Variants in MAFF observed in about 807,000 individuals in gnomAD.
MAFF encodes the protein transcription factor MafF.
Under a neutral mutation model 2.7 loss-of-function variants are expected in MAFF, and 4 were observed. That is an observed-to-expected ratio of 1.48 (90% CI 0.73 to 3.39). MAFF has a LOEUF of 3.39. Among genes scored for constraint, MAFF ranks in the 30% most tolerant of loss-of-function variants. The probability of loss-of-function intolerance (pLI) is 0.01; values close to 1 mark genes in which losing one functional copy is unlikely to be tolerated. For missense variants in MAFF, 190 were observed against 246.6 expected (o/e 0.77, Z 1.54); for synonymous variants, 113 against 119.4 (o/e 0.95, Z 0.35).
Position 38,215,148 on chromosome 22 carries a change from G to A in MAFF, c.*270G>A, listed in dbSNP as rs577083647. The A allele has an allele frequency of 7.2e-6, 3 of 417,366 alleles. No individual in the cohort carries two copies. Among genetic ancestry groups the A allele is most frequent in the South Asian group, 3.7e-5 (1 of 27,130 alleles). The allele number at this position is 417,366 out of a possible 1,614,324, so 25.9% of individuals were successfully genotyped here. ...GCTGAAAGTTTAGCCTTTTTAGATT[G>A]AGAGATACAGAGCCGGCTTAGAGAA... On this transcript the variant is annotated 3_prime_UTR_variant, in exon 3 of 3. Coordinates refer to ENST00000338483, the MANE Select transcript of MAFF (RefSeq NM_012323.4).
At chr22:38,212,939 A>G (rs547155730) in intron 1 of MAFF, among the ~76,000 whole-genome samples, 316 of 152,282 alleles carry the variant, frequency 2.1e-3, no homozygotes, top group African/African-American at 7.2e-3. Context: ...AGGCGGGTGG[A>G]TCACCTGAGG....
At chr22:38,208,402 C>G (rs113413015) in intron 1 of MAFF, among the ~76,000 whole-genome samples, 1,559 of 152,280 alleles carry the variant, frequency 0.01, 34 homozygotes, top group African/African-American at 0.035. Flanking sequence ...CACCTTTGGG[C>G]CCAAAGTCAC....
chr22:38,213,981 C>A, intron 2 of MAFF, 92 bp downstream of exon 2: 1 of 1,414,488 alleles, frequency 7.1e-7, no homozygotes, highest in Non-Finnish European at 9.9e-7. Context: ...TTCCTGGAAT[C>A]CCCTGGGTGG....
Position 38,214,778 on chromosome 22 carries a change from C to G in MAFF, c.395C>G (p.Ala132Gly). ...AAARGPATLVAPASVITIVKS... is the reference protein window; with the variant it reads ...AAARGPATLVGPASVITIVKS... Reference sequence around the variant, plus strand: ...GCCCGCGGGCCCGCCACGCTCGTGGCGCCGGCCAGCGTCATCACCATCGTC... The same window carrying G: ...GCCCGCGGGCCCGCCACGCTCGTGGGGCCGGCCAGCGTCATCACCATCGTC... The change falls in exon 3 of 3, where the codon GCG (alanine) becomes GGG (glycine). Residue 132 changes from alanine to glycine, a missense_variant. By Grantham distance (60) the Ala-to-Gly change is moderately conservative. Coordinates refer to ENST00000338483, the MANE Select transcript of MAFF (RefSeq NM_012323.4). This position sits in a 1 kb window ranked among gnomAD's most constrained non-coding sequence, Gnocchi z 6.3. 1.4e-6 allele frequency: 2 copies of G among 1,450,388 alleles called. No homozygotes were observed. Among genetic ancestry groups the G allele is most frequent in the Non-Finnish European group, 1.8e-6 (2 of 1,107,502 alleles). 89.8% of individuals were successfully genotyped at this position (1,450,388 alleles called of 1,614,324 possible). A position where few individuals can be genotyped will look rare whatever the true frequency, so the allele number is the denominator to read the frequency against.
chr22:38,203,288 G>A (rs1009576683), intron 1 of MAFF: 1 of 152,712 alleles, frequency 6.5e-6, no homozygotes, highest in South Asian at 2.1e-4. Context: ...GGCTGTACCT[G>A]CTAGGTCGTG....
Position 38,214,873 on chromosome 22 carries a change from T to C in MAFF, c.490T>C (p.Ser164Pro), listed in dbSNP as rs1602338571. 6.6e-7 allele frequency: 1 copy of C among 1,508,036 alleles called. No individual in the cohort carries two copies. Among genetic ancestry groups the C allele is most frequent in the Admixed American group, 2.1e-5 (1 of 47,284 alleles). The allele number at this position is 1,508,036 out of a possible 1,614,324, so 93.4% of individuals were successfully genotyped here. A position where few individuals can be genotyped will look rare whatever the true frequency, so the allele number is the denominator to read the frequency against. The change falls in exon 3 of 3, where the codon TCC becomes CCC. Residue 164 changes from serine to proline, a missense_variant. Around this residue, in one of 2 missense-constraint regions of MAFF, gnomAD observed 103 missense variants for 103.0 expected, o/e 1.00. Transcript: ENST00000338483. This position sits in a 1 kb window ranked among gnomAD's most constrained non-coding sequence, Gnocchi z 6.3. Reference protein sequence around the residue: ...PDPAHGPASCS With the variant: ...PDPAHGPASCP ...CCCCGCCCACGGCCCGGCCTCCTGCTCCTAGTGCCCGCCCCCGCCATGCCT... is the reference window on the plus strand; with the variant it reads ...CCCCGCCCACGGCCCGGCCTCCTGCCCCTAGTGCCCGCCCCCGCCATGCCT...
Position 38,214,863 on chromosome 22 carries a change from G to GGCCTCCTGCTCCTAGTGCCCGCCCCC in MAFF, c.484_*14dup. The stretch of plus-strand genomic sequence containing the variant: ...ACGGCCCGGACCCCGCCCACGGCCC[G>GGCCTCCTGCTCCTAGTGCCCGCCCCC]GCCTCCTGCTCCTAGTGCCCGCCCC... On this transcript the variant is annotated stop_gained and frameshift_variant, in exon 3 of 3. Coordinates refer to ENST00000338483, the MANE Select transcript of MAFF (RefSeq NM_012323.4). LOFTEE classifies it high-confidence loss of function. The surrounding 1 kb of genome is among the most constrained non-coding windows in gnomAD (Gnocchi z 6.3). The GGCCTCCTGCTCCTAGTGCCCGCCCCC allele has an allele frequency of 6.7e-7, 1 of 1,501,944 alleles. No homozygotes were observed. The highest frequency in any genetic ancestry group is 1.2e-5 in the South Asian group (1 of 80,080). The allele number at this position is 1,501,944 out of a possible 1,614,324, so 93.0% of individuals were successfully genotyped here.
intron 1 of MAFF, chr22:38,213,615 C>G: frequency 3.0e-6 from 2 of 662,536 alleles, no homozygotes; most frequent in Non-Finnish European, 5.6e-6. Flanking sequence ...GGGGCTAGAA[C>G]AGTAAAGAGC....
chr22:38,211,505 G>A (rs1042512286), intron 1 of MAFF, among the ~76,000 whole-genome samples: 26 of 142,358 alleles, frequency 1.8e-4, no homozygotes, highest in African/African-American at 4.3e-4. Flanking sequence ...GATTACAGGC[G>A]TGAGCCACCG....
chr22:38,211,328 G>A (rs1000203848), intron 1 of MAFF, among the ~76,000 whole-genome samples: 1 of 151,858 alleles, frequency 6.6e-6, no homozygotes, highest in Admixed American at 6.6e-5. Context: ...CCGGGTTCAA[G>A]CGATTCTTTT....
intron 1 of MAFF, among the ~76,000 whole-genome samples, chr22:38,208,685 G>C (rs1394876776): frequency 6.6e-6 from 1 of 152,184 alleles, no homozygotes; most frequent in Non-Finnish European, 1.5e-5. Flanking sequence ...TCCCTGTCTG[G>C]TGGAGAGACA....
chr22:38,204,872 G>C (rs553815638), intron 1 of MAFF, among the ~76,000 whole-genome samples: 1 of 152,092 alleles, frequency 6.6e-6, no homozygotes, highest in African/African-American at 2.4e-5. Context: ...GGCCAAGCAC[G>C]GACAGGCTCG....
At chr22:38,206,302 T>G (rs1168081685) in intron 1 of MAFF, among the ~76,000 whole-genome samples, 3 of 149,908 alleles carry the variant, frequency 2.0e-5, no homozygotes, top group African/African-American at 7.4e-5. Context: ...GATAGTGGGA[T>G]GATGGTGAGA....
In MAFF at chr22:38,216,358, T is replaced by C. The variant is rs2091150245; in HGVS notation, c.*1480T>C. ...CCACTGCACTCCAGCCTGGGCAACATAGCAAAATCCTGTCTCAAAAAAAAA... is the reference window on the plus strand; with the variant it reads ...CCACTGCACTCCAGCCTGGGCAACACAGCAAAATCCTGTCTCAAAAAAAAA... On this transcript the variant is annotated 3_prime_UTR_variant, in exon 3 of 3. Coordinates refer to ENST00000338483, the MANE Select transcript of MAFF (RefSeq NM_012323.4). 1 of 165,164 alleles carries C rather than the reference T, an allele frequency of 6.1e-6. No homozygotes were observed. The highest frequency in any genetic ancestry group is 1.5e-5 in the Non-Finnish European group (1 of 68,064). The allele number at this position is 165,164 out of a possible 1,614,324, so 10.2% of individuals were successfully genotyped here.
At chr22:38,206,120 GA>G (rs2091049526) in intron 1 of MAFF, among the ~76,000 whole-genome samples, 3 of 152,192 alleles carry the variant, frequency 2.0e-5, no homozygotes, top group Non-Finnish European at 4.4e-5. Flanking sequence ...CAAGGATAGG[GA>G]ATGGCTGATG....
rs1290665231 is a variant in MAFF at position 38,214,049 on chromosome 22, G to A, written c.36+160G>A. ...GGGAAGGGCCACAGCCATGGGCTGG[G>A]ACCAGGAGGCCTGGGCTCTGGTCAC... On this transcript the variant is annotated intron_variant, in intron 2 of 2. Transcript: ENST00000338483. The surrounding 1 kb of genome is among the most constrained non-coding windows in gnomAD (Gnocchi z 6.3). Among the ~76,000 whole-genome samples the A allele has an allele frequency of 6.6e-6, 1 of 152,196 alleles. No individual in the cohort carries two copies. Among genetic ancestry groups the A allele is most frequent in the Non-Finnish European group, 1.5e-5 (1 of 68,034 alleles).
At chr22:38,208,392 C>T (rs2091069607) in intron 1 of MAFF, among the ~76,000 whole-genome samples, 1 of 152,230 alleles carries the variant, frequency 6.6e-6, no homozygotes, top group South Asian at 2.1e-4. Flanking sequence ...TCCCACACCC[C>T]ACCTTTGGGC....
In MAFF at chr22:38,214,289, G is replaced by C; in HGVS notation, c.37-131G>C. ...CCCGGTTTCCCCTTCCCGGATTCCT[G>C]CTCCCCTTCGGGGTTTTGGATCAAG... On this transcript the variant is annotated intron_variant, in intron 2 of 2. Coordinates refer to ENST00000338483, the MANE Select transcript of MAFF (RefSeq NM_012323.4). The surrounding 1 kb of genome is among the most constrained non-coding windows in gnomAD (Gnocchi z 6.3). 1 of 891,138 alleles carries C rather than the reference G, an allele frequency of 1.1e-6. No individual in the cohort carries two copies. Among genetic ancestry groups the C allele is most frequent in the Non-Finnish European group, 1.7e-6 (1 of 605,438 alleles). The allele number at this position is 891,138 out of a possible 1,614,324, so 55.2% of individuals were successfully genotyped here. A position where few individuals can be genotyped will look rare whatever the true frequency, so the allele number is the denominator to read the frequency against.
chr22:38,209,149 T>A (rs1386776554), intron 1 of MAFF, among the ~76,000 whole-genome samples: 26 of 152,018 alleles, frequency 1.7e-4, no homozygotes, highest in Admixed American at 1.6e-3. Context: ...CACTGCATGC[T>A]TCACCTCCCG....
Sources: gnomAD v4.1 joint callset for allele counts (sites outside exome capture counted in the v4.1 genomes callset) on GRCh38, gnomAD v4.1.1 for gene constraint, gnomAD v4.1.1 regional missense constraint, Gnocchi (gnomAD v3.1) non-coding constraint, MANE v1.5 for transcripts, NCBI Gene and HGNC (gene_info 2026-07-23, HGNC 2026-07-21) for gene names.